Variants in GRIK1 observed in about 807,000 individuals in gnomAD.
GRIK1 encodes the protein glutamate ionotropic receptor kainate type subunit 1.
In GRIK1, 69 loss-of-function variants were observed where a neutral mutation model predicts 105.7. That is an observed-to-expected ratio of 0.65 (90% CI 0.54 to 0.80). The LOEUF (loss-of-function observed/expected upper bound fraction) is 0.80. Among genes scored for constraint, GRIK1 ranks in the 30% least tolerant of loss-of-function variants. GRIK1 has a pLI of 0.00. For missense variants in GRIK1, 1,109 were observed against 1,167.3 expected (o/e 0.95, Z 0.73); for synonymous variants, 438 against 431.3 (o/e 1.02, Z -0.19).
chr21:29,787,642 C>T (rs2066293317), intron 1 of GRIK1, among the ~76,000 whole-genome samples: 1 of 152,152 alleles, frequency 6.6e-6, no homozygotes, highest in East Asian at 1.9e-4. Context: ...TTACTATTTC[C>T]TCCTTTTGGA....
At position 29,542,185 on chromosome 21, in the gene GRIK1, A is replaced by T. The variant is rs149537242; in HGVS notation, c.2608-4301T>A. Among the ~76,000 whole-genome samples, 350 of 152,296 alleles carry T rather than the reference A, an allele frequency of 2.3e-3. 1 individual carries two copies. Among genetic ancestry groups the T allele is most frequent in the African/African-American group, 8.2e-3 (339 of 41,558 alleles). Reference sequence around the variant, plus strand: ...GCTTGTTTATTTCAGTTTTGCAGAAAGTTATTTCTCTACTCTGATCCCTCC... The same window carrying T: ...GCTTGTTTATTTCAGTTTTGCAGAATGTTATTTCTCTACTCTGATCCCTCC... On this transcript the variant is annotated intron_variant, in intron 16 of 17. Coordinates refer to ENST00000327783, the MANE Select transcript of GRIK1 (RefSeq NM_001330994.2).
chr21:29,788,159 T>A (rs774781185), intron 1 of GRIK1, among the ~76,000 whole-genome samples: 6 of 152,188 alleles, frequency 3.9e-5, no homozygotes, highest in African/African-American at 1.4e-4. Flanking sequence ...CGGTGAAAGA[T>A]GACAAAACAA....
intron 1 of GRIK1, among the ~76,000 whole-genome samples, chr21:29,733,678 TGAA>T (rs2064697485): frequency 6.6e-6 from 1 of 152,156 alleles, no homozygotes; most frequent in Non-Finnish European, 1.5e-5. Context: ...TCTTAAGTGA[TGAA>T]GAAAATGTTT....
chr21:29,755,877 G>T (rs2178865), intron 1 of GRIK1, among the ~76,000 whole-genome samples: 1 of 151,932 alleles, frequency 6.6e-6, no homozygotes, highest in East Asian at 1.9e-4. Context: ...GAGTAAAAAG[G>T]TTCGGATAAC....
At chr21:29,854,552 G>T (rs111357548) in intron 1 of GRIK1, among the ~76,000 whole-genome samples, 1 of 152,128 alleles carries the variant, frequency 6.6e-6, no homozygotes. Context: ...GGACTTGGGT[G>T]GGGGAATGAG....
In GRIK1 at chr21:29,577,017, T is replaced by C; in HGVS notation, c.2077A>G (p.Thr693Ala). 6.2e-7 allele frequency: 1 copy of C among 1,613,922 alleles called. No homozygotes were observed. The change falls in exon 14 of 18, where the codon ACC (threonine) becomes GCC (alanine). Residue 693 changes from threonine (T) to alanine (A), a missense_variant. Around this residue, in one of 5 missense-constraint regions of GRIK1, gnomAD observed 264 missense variants for 306.9 expected, o/e 0.86. Coordinates refer to ENST00000327783, the MANE Select transcript of GRIK1 (RefSeq NM_001330994.2). ...CTAACCGCCCCATATTCTATCTTGG[T>C]TTGCTTTGCCAGATCATCTGCCGAA... ...IDSADDLAKQ[T>A]KIEYGAVRDG... is the part of the protein sequence containing the mutation.
intron 4 of GRIK1, among the ~76,000 whole-genome samples, chr21:29,658,992 C>T (rs1052573139): frequency 6.6e-6 from 1 of 152,144 alleles, no homozygotes; most frequent in Non-Finnish European, 1.5e-5. Context: ...TTGTTTACAA[C>T]TTTGTTTTGA....
At chr21:29,697,733 C>T (rs1279543297) in intron 1 of GRIK1, among the ~76,000 whole-genome samples, 1 of 152,082 alleles carries the variant, frequency 6.6e-6, no homozygotes, top group African/African-American at 2.4e-5. Flanking sequence ...CCTCCTTCTC[C>T]TCCCCATAGC....
intron 1 of GRIK1, among the ~76,000 whole-genome samples, chr21:29,732,740 A>G (rs1207899006): frequency 6.6e-6 from 1 of 152,178 alleles, no homozygotes; most frequent in African/African-American, 2.4e-5. Flanking sequence ...GTAGTGGAAT[A>G]GGGTTAGTTT....
chr21:29,846,091 A>G (rs2068102966), intron 1 of GRIK1, among the ~76,000 whole-genome samples: 1 of 152,128 alleles, frequency 6.6e-6, no homozygotes, highest in Non-Finnish European at 1.5e-5. Flanking sequence ...TGGAAGACAC[A>G]GAATAGAAAT....
chr21:29,927,366 A>G (rs905660820), intron 1 of GRIK1, among the ~76,000 whole-genome samples: 1 of 150,626 alleles, frequency 6.6e-6, no homozygotes, highest in Admixed American at 6.7e-5. Context: ...ACACAACTAT[A>G]TATGTATTTG....
chr21:29,651,285 A>G lies in GRIK1; in HGVS notation c.787T>C (p.Phe263Leu), dbSNP rs183497233. ...YHYFFTTLDL[F>L]ALDLELYRYS... is the part of the protein sequence containing the mutation. Reference sequence around the variant, plus strand: ...CTATAGAGTTCCAGATCCAAAGCAAATAAGTCCTGCATAGTATCAAAAAGG... The same window carrying G: ...CTATAGAGTTCCAGATCCAAAGCAAGTAAGTCCTGCATAGTATCAAAAAGG... Residue 263 changes from phenylalanine (F) to leucine (L), a missense_variant, in exon 6 of 18, where the codon TTT (phenylalanine) becomes CTT (leucine). Physicochemically the swap from Phe to Leu is conservative, Grantham distance 22. Transcript: ENST00000327783. The G allele has an allele frequency of 1.9e-5, 31 of 1,608,124 alleles. No homozygotes were observed. The highest frequency in any genetic ancestry group is 1.5e-4 in the Admixed American group (9 of 59,562).
chr21:29,929,505 T>G (rs762370298), intron 1 of GRIK1, among the ~76,000 whole-genome samples: 1 of 152,218 alleles, frequency 6.6e-6, no homozygotes, highest in African/African-American at 2.4e-5. Context: ...CAATCCAAAG[T>G]ATGTAAAACC....
intron 1 of GRIK1, among the ~76,000 whole-genome samples, chr21:29,773,057 A>G (rs1986595186): frequency 6.6e-6 from 1 of 152,220 alleles, no homozygotes; most frequent in African/African-American, 2.4e-5. Flanking sequence ...TAAGGAGTCC[A>G]TGTAACTTAT....
At chr21:29,684,296 A>G (rs1015246083) in intron 3 of GRIK1, among the ~76,000 whole-genome samples, 1 of 143,474 alleles carries the variant, frequency 7.0e-6, no homozygotes, top group Non-Finnish European at 1.5e-5. Flanking sequence ...CTATCTATCT[A>G]TCATCTATCT....
chr21:29,908,097 G>A (rs186514933), intron 1 of GRIK1, among the ~76,000 whole-genome samples: 226 of 151,976 alleles, frequency 1.5e-3, no homozygotes, highest in Non-Finnish European at 2.4e-3. Context: ...ACCAGACATT[G>A]TTCTAAGGGT....
chr21:29,573,993 C>G (rs1017794676), intron 14 of GRIK1, among the ~76,000 whole-genome samples: 1 of 152,184 alleles, frequency 6.6e-6, no homozygotes, highest in Admixed American at 6.5e-5. Flanking sequence ...AAGTTCCACA[C>G]TTGACCTCAT....
chr21:29,608,927 C>T (rs958420961), intron 7 of GRIK1, among the ~76,000 whole-genome samples: 1 of 151,916 alleles, frequency 6.6e-6, no homozygotes, highest in African/African-American at 2.4e-5. Flanking sequence ...CTTTGAAAAC[C>T]AGGTGTTGAT....
At chr21:29,895,475 A>G (rs1446073704) in intron 1 of GRIK1, among the ~76,000 whole-genome samples, 3 of 152,224 alleles carry the variant, frequency 2.0e-5, no homozygotes, top group South Asian at 2.1e-4. Flanking sequence ...CAATTTGTAC[A>G]TAAAGATTTT....
Sources: gnomAD v4.1 joint callset for allele counts (sites outside exome capture counted in the v4.1 genomes callset) on GRCh38, gnomAD v4.1.1 for gene constraint, gnomAD v4.1.1 regional missense constraint, MANE v1.5 for transcripts, NCBI Gene and HGNC (gene_info 2026-07-23, HGNC 2026-07-21) for gene names.